PPP2R5A: variants seen among roughly 807,000 people sequenced by gnomAD.
PPP2R5A encodes serine/threonine-protein phosphatase 2A 56 kDa regulatory subunit alpha isoform.
A neutral mutation model predicts 64.2 loss-of-function variants in PPP2R5A; 25 were observed. The ratio of observed to expected loss-of-function variants is 0.39; its 90% confidence interval spans 0.28 to 0.54. PPP2R5A has a LOEUF of 0.54. Ranked by LOEUF, PPP2R5A falls within the 20% of genes least tolerant of loss-of-function variation. PPP2R5A has a pLI of 0.67. For synonymous variants in PPP2R5A, 198 were observed against 201.2 expected (o/e 0.98, Z 0.13); for missense variants, 425 against 576.3 (o/e 0.74, Z 2.69).
At chr1:212,292,912 T>G (rs1658626380) in intron 1 of PPP2R5A, among the ~76,000 whole-genome samples, 1 of 152,144 alleles carries the variant, frequency 6.6e-6, no homozygotes, top group Admixed American at 6.5e-5. Flanking sequence ...CAGGATTATT[T>G]AAAACAGGGG....
intron 5 of PPP2R5A, 94 bp downstream of exon 5, chr1:212,346,027 G>GTGAGACCCT: frequency 8.1e-7 from 1 of 1,228,716 alleles, no homozygotes; most frequent in Non-Finnish European, 1.1e-6. Flanking sequence ...TTTGAGACAG[G>GTGAGACCCT]GTCTCACTCT....
At chr1:212,338,487 C>T (rs1239836217) in intron 3 of PPP2R5A, among the ~76,000 whole-genome samples, 3 of 152,070 alleles carry the variant, frequency 2.0e-5, no homozygotes, top group Non-Finnish European at 2.9e-5. Flanking sequence ...CAGTGGCTCA[C>T]GCCCACTTGT....
intron 1 of PPP2R5A, among the ~76,000 whole-genome samples, chr1:212,319,989 T>C (rs1173716506): frequency 8.1e-5 from 12 of 148,650 alleles, no homozygotes; most frequent in Non-Finnish European, 1.5e-4. Flanking sequence ...CTTGGGTGTT[T>C]CTCGCAGAGG....
Position 212,299,202 on chromosome 1 carries a change from CG to C in PPP2R5A, c.181+12915del, listed in dbSNP as rs1161514933. On this transcript the variant is annotated intron_variant, in intron 1 of 12. Coordinates refer to ENST00000261461, the MANE Select transcript of PPP2R5A (RefSeq NM_006243.4). ...TGACCCCCCCCACCTCCCTCCCGGA[CG>C]GGGTGGCTGCCGGGCGGAGACGCTC... The C allele has an allele frequency of 2.0e-5, 2 of 97,974 alleles. 1 individual carries two copies. Among genetic ancestry groups the C allele is most frequent in the East Asian group, 4.7e-4 (2 of 4,240 alleles). The allele number at this position is 97,974 out of a possible 1,614,324, so 6.1% of individuals were successfully genotyped here. A position where few individuals can be genotyped will look rare whatever the true frequency, so the allele number is the denominator to read the frequency against.
At chr1:212,351,893 G>GCAAAA (rs113309693) in intron 8 of PPP2R5A, among the ~76,000 whole-genome samples, 1 of 151,776 alleles carries the variant, frequency 6.6e-6, no homozygotes, top group East Asian at 1.9e-4. Context: ...TATAAAACAA[G>GCAAAA]CAAAACAAAA....
intron 1 of PPP2R5A, chr1:212,308,936 T>C: frequency 4.1e-6 from 2 of 491,560 alleles, no homozygotes; most frequent in Non-Finnish European, 7.1e-6. Flanking sequence ...TTTCTTTTTG[T>C]AAATTCTATC....
intron 4 of PPP2R5A, 57 bp downstream of exon 4, chr1:212,342,337 ACTT>A: frequency 6.4e-7 from 1 of 1,561,512 alleles, no homozygotes; most frequent in Non-Finnish European, 8.7e-7. Context: ...TGATTTATTA[ACTT>A]ATTATTAAAA....
Position 212,357,210 on chromosome 1 carries a change from T to C in PPP2R5A, c.1152T>C (p.Ile384=). 2 of 1,595,600 alleles carry C rather than the reference T, an allele frequency of 1.3e-6. No homozygotes were observed. The highest frequency in any genetic ancestry group is 1.2e-5 in the South Asian group (1 of 86,490). ...FWNNEYILSL[I]EENIDKILPI... is the part of the protein sequence containing the mutation. ...ATAACGAATATATTCTTAGTTTGATTGAGGAGAACATTGATAAAATTCTGC... is the reference window on the plus strand; with the variant it reads ...ATAACGAATATATTCTTAGTTTGATCGAGGAGAACATTGATAAAATTCTGC... The change falls in exon 11 of 13, where the codon ATT becomes ATC. Residue 384 remains isoleucine (I), a synonymous_variant. Coordinates refer to ENST00000261461, the MANE Select transcript of PPP2R5A (RefSeq NM_006243.4).
chr1:212,329,446 T>C (rs1659462944), intron 2 of PPP2R5A, 115 bp downstream of exon 2: 4 of 950,984 alleles, frequency 4.2e-6, no homozygotes, highest in Non-Finnish European at 6.0e-6. Flanking sequence ...CCCCCAAATT[T>C]TAGAAAATAG....
chr1:212,320,593 T>TC (rs1306287711), intron 1 of PPP2R5A, among the ~76,000 whole-genome samples: 3 of 143,596 alleles, frequency 2.1e-5, no homozygotes, highest in South Asian at 2.2e-4. Flanking sequence ...CCCGCCTCCC[T>TC]CCCGGACGGG....
At chr1:212,358,570 C>G (rs763079422) in intron 11 of PPP2R5A, 116 bp from the exon 12 acceptor site, 6 of 694,612 alleles carry the variant, frequency 8.6e-6, no homozygotes, top group Admixed American at 5.9e-5. Flanking sequence ...GTTTTATCAT[C>G]TCTAAAATGG....
intron 8 of PPP2R5A, among the ~76,000 whole-genome samples, chr1:212,353,822 T>C (rs1004506527): frequency 6.6e-6 from 1 of 152,136 alleles, no homozygotes; most frequent in Non-Finnish European, 1.5e-5. Flanking sequence ...ACAGGAAAAA[T>C]ATCTCTGCAC....
At chr1:212,353,029 C>T (rs975697937) in intron 8 of PPP2R5A, 1 of 497,744 alleles carries the variant, frequency 2.0e-6, no homozygotes, top group Non-Finnish European at 4.0e-6. Context: ...TAGGTGGGCC[C>T]TCTGCTCAGG....
chr1:212,348,851 TA>T (rs1275993015), intron 7 of PPP2R5A, among the ~76,000 whole-genome samples: 1 of 152,178 alleles, frequency 6.6e-6, no homozygotes, highest in African/African-American at 2.4e-5. Context: ...TATTAATATT[TA>T]GAGAATAATA....
At chr1:212,319,731 C>T (rs1345740635) in intron 1 of PPP2R5A, among the ~76,000 whole-genome samples, 1 of 150,380 alleles carries the variant, frequency 6.6e-6, no homozygotes. Context: ...AGCGATTCTC[C>T]TGTCTCAGTC....
Position 212,294,275 on chromosome 1 carries a change from TAAAAGTGA to T in PPP2R5A, c.181+7990_181+7997del, listed in dbSNP as rs1261306849. Among the ~76,000 whole-genome samples the T allele has an allele frequency of 4.6e-5, 7 of 152,300 alleles. No individual in the cohort carries two copies. The East Asian group carries it at 9.6e-4, about 21-fold the overall frequency. ...TGTTAATCCCCTGCCTCTAAATTGA[TAAAAGTGA>T]AAAAGGGAAAAAGGTGAGACAGTTT... is the stretch of plus-strand genomic sequence containing the variant. On this transcript the variant is annotated intron_variant, in intron 1 of 12. Transcript: ENST00000261461.
chr1:212,360,588 T>C, intron 12 of PPP2R5A, 50 bp from the exon 13 acceptor site: 2 of 1,445,696 alleles, frequency 1.4e-6, no homozygotes, highest in South Asian at 1.4e-5. Flanking sequence ...AGCACCTCTC[T>C]TTGGGTTCTG....
chr1:212,358,936 T>A, intron 12 of PPP2R5A, 149 bp downstream of exon 12: 1 of 538,106 alleles, frequency 1.9e-6, no homozygotes, highest in Non-Finnish European at 3.2e-6. Context: ...GAAAGTCTCT[T>A]AACATATAAG....
At chr1:212,325,302 G>A (rs1432440012) in intron 1 of PPP2R5A, among the ~76,000 whole-genome samples, 1 of 152,174 alleles carries the variant, frequency 6.6e-6, no homozygotes, top group Non-Finnish European at 1.5e-5. Flanking sequence ...GGGAAATTTT[G>A]TGGAGAATGT....
Sources: allele counts gnomAD v4.1 joint callset (sites outside exome capture counted in the v4.1 genomes callset), GRCh38; gene constraint gnomAD v4.1.1; transcripts MANE v1.5; gene names NCBI Gene and HGNC (gene_info 2026-07-23, HGNC 2026-07-21).